STXBP5L: variants seen among roughly 807,000 people sequenced by gnomAD.
The protein encoded by STXBP5L is syntaxin binding protein 5L, also known as syntaxin-binding protein 5-like.
Under a neutral mutation model 144.5 loss-of-function variants are expected in STXBP5L, and 65 were observed. The observed-to-expected ratio is 0.45, with a 90% CI of 0.37 to 0.55. The LOEUF (loss-of-function observed/expected upper bound fraction) is 0.55. Ranked by LOEUF, STXBP5L falls within the 20% of genes least tolerant of loss-of-function variation. STXBP5L has a pLI of 0.00. For synonymous variants in STXBP5L, 505 were observed against 469.6 expected, an observed-to-expected ratio of 1.08 and a Z score of -0.97; for missense variants, 1,298 against 1,405.5, an observed-to-expected ratio of 0.92 and a Z score of 1.22.
In STXBP5L at chr3:121,028,151, GAATT is replaced by G. The variant is rs750840114; in HGVS notation, c.288-13544_288-13541del. The stretch of plus-strand genomic sequence containing the variant: ...TGTATCTAAATTAATAGAAACATTA[GAATT>G]AATTTGTTTTCACAGCTGAATTATT... On this transcript the variant is annotated intron_variant, in intron 3 of 26. Coordinates refer to ENST00000471454, the MANE Select transcript of STXBP5L (RefSeq NM_001308330.2). Among the ~76,000 whole-genome samples, 12 of 151,918 alleles carry G rather than the reference GAATT, an allele frequency of 7.9e-5. 1 individual carries two copies. Among genetic ancestry groups the G allele is most frequent in the Admixed American group, 7.9e-4 (12 of 15,206 alleles).
intron 20 of STXBP5L, among the ~76,000 whole-genome samples, chr3:121,343,142 C>T (rs532851640): frequency 1.3e-5 from 2 of 152,208 alleles, no homozygotes; most frequent in Admixed American, 6.5e-5. Flanking sequence ...GCATAAATGT[C>T]TTCTTTTGAG....
At chr3:121,322,667 T>G (rs545234488) in intron 20 of STXBP5L, among the ~76,000 whole-genome samples, 12 of 150,562 alleles carry the variant, frequency 8.0e-5, no homozygotes, top group South Asian at 4.3e-4. Flanking sequence ...CTATTTCTTT[T>G]TGTGTGTGTG....
intron 7 of STXBP5L, among the ~76,000 whole-genome samples, chr3:121,123,952 G>A (rs2044591476): frequency 2.0e-5 from 3 of 151,816 alleles, no homozygotes; most frequent in East Asian, 1.9e-4. Context: ...CTACCAGAGA[G>A]AAAATACAAT....
At chr3:121,285,338 T>A in intron 19 of STXBP5L, among the ~76,000 whole-genome samples, 1 of 152,112 alleles carries the variant, frequency 6.6e-6, no homozygotes, top group East Asian at 1.9e-4. Flanking sequence ...CTTATGCCTA[T>A]CTGACACTAA....
At chr3:121,072,641 G>C (rs2041854739) in intron 5 of STXBP5L, among the ~76,000 whole-genome samples, 1 of 152,198 alleles carries the variant, frequency 6.6e-6, no homozygotes. Flanking sequence ...GGAAGCTCCA[G>C]TAAGGGCATG....
intron 7 of STXBP5L, among the ~76,000 whole-genome samples, chr3:121,123,866 T>G (rs181932934): frequency 3.5e-4 from 53 of 151,936 alleles, no homozygotes; most frequent in African/African-American, 1.2e-3. Context: ...AGAAGTTTTT[T>G]TATTTTAATA....
At chr3:121,044,728 C>T (rs934661952) in intron 4 of STXBP5L, among the ~76,000 whole-genome samples, 2 of 152,084 alleles carry the variant, frequency 1.3e-5, no homozygotes, top group Admixed American at 6.5e-5. Flanking sequence ...GTCATACAAA[C>T]AGTTATTATC....
intron 19 of STXBP5L, among the ~76,000 whole-genome samples, chr3:121,287,213 G>A (rs2051262166): frequency 6.6e-6 from 1 of 152,066 alleles, no homozygotes; most frequent in African/African-American, 2.4e-5. Flanking sequence ...ATTTAACATT[G>A]TACTGGAAAT....
At chr3:121,023,779 G>C (rs1945727812) in intron 3 of STXBP5L, among the ~76,000 whole-genome samples, 1 of 152,124 alleles carries the variant, frequency 6.6e-6, no homozygotes, top group Non-Finnish European at 1.5e-5. Context: ...AAAAATTCTA[G>C]AAGTCTCACT....
chr3:121,326,862 G>T (rs2044164998), intron 20 of STXBP5L, among the ~76,000 whole-genome samples: 1 of 152,068 alleles, frequency 6.6e-6, no homozygotes, highest in Admixed American at 6.6e-5. Context: ...ATTCGTTGTA[G>T]CTTAGCCATA....
intron 10 of STXBP5L, among the ~76,000 whole-genome samples, chr3:121,215,618 T>C (rs2048747630): frequency 6.6e-6 from 1 of 152,202 alleles, no homozygotes; most frequent in African/African-American, 2.4e-5. Context: ...GACCTTTCTC[T>C]CTGGCTGCCC....
At chr3:120,942,589 T>A (rs2107656547) in intron 2 of STXBP5L, among the ~76,000 whole-genome samples, 1 of 151,632 alleles carries the variant, frequency 6.6e-6, no homozygotes, top group East Asian at 1.9e-4. Context: ...CTCCCTTTTT[T>A]TTTGGTAATT....
chr3:121,190,952 G>A (rs1172396313), intron 9 of STXBP5L, among the ~76,000 whole-genome samples: 1 of 151,424 alleles, frequency 6.6e-6, no homozygotes, highest in African/African-American at 2.4e-5. Flanking sequence ...GGGCGGCGGG[G>A]CAGAGGTGCT....
chr3:121,403,528 T>C (rs73183179), intron 22 of STXBP5L, among the ~76,000 whole-genome samples: 5,435 of 152,262 alleles, frequency 0.036, 145 homozygotes, highest in Middle Eastern at 0.082. Context: ...TTGTTATATC[T>C]TCCATTAAAA....
At chr3:121,296,585 G>C (rs1292811432) in intron 19 of STXBP5L, among the ~76,000 whole-genome samples, 1 of 152,174 alleles carries the variant, frequency 6.6e-6, no homozygotes, top group African/African-American at 2.4e-5. Flanking sequence ...CTAATTAACT[G>C]AATGCCAGAC....
chr3:121,018,206 G>T (rs951983941), intron 3 of STXBP5L, among the ~76,000 whole-genome samples: 1 of 152,110 alleles, frequency 6.6e-6, no homozygotes, highest in Non-Finnish European at 1.5e-5. Flanking sequence ...AAGTTATTTT[G>T]TAGATAAGAG....
At chr3:121,233,116 A>G (rs1183567308) in intron 11 of STXBP5L, among the ~76,000 whole-genome samples, 2 of 152,190 alleles carry the variant, frequency 1.3e-5, no homozygotes, top group Non-Finnish European at 2.9e-5. Flanking sequence ...TGATATGGTT[A>G]CACAACCTAT....
chr3:120,977,697 C>T (rs1278361352), intron 3 of STXBP5L, among the ~76,000 whole-genome samples: 1 of 152,106 alleles, frequency 6.6e-6, no homozygotes, highest in African/African-American at 2.4e-5. Context: ...TGTTTCTTTC[C>T]ATGTTTAGTG....
Position 121,307,427 on chromosome 3 carries a change from C to T in STXBP5L, c.2111-11048C>T, listed in dbSNP as rs183259992. 2.2e-3 allele frequency among the ~76,000 whole-genome samples: 336 copies of T among 152,152 alleles called. 1 individual carries two copies. The highest frequency in any genetic ancestry group is 0.014 in the Middle Eastern group (4 of 294). Reference sequence around the variant, plus strand: ...ACTATGCTTAAAGAAGTAAAGGAAGCTATGATGACAATGTCTCATCAAATC... The same window carrying T: ...ACTATGCTTAAAGAAGTAAAGGAAGTTATGATGACAATGTCTCATCAAATC... On this transcript the variant is annotated intron_variant, in intron 19 of 26. Transcript: ENST00000471454.
Sources: gnomAD v4.1 joint callset for allele counts (sites outside exome capture counted in the v4.1 genomes callset) on GRCh38, gnomAD v4.1.1 for gene constraint, MANE v1.5 for transcripts, NCBI Gene and HGNC (gene_info 2026-07-23, HGNC 2026-07-21) for gene names.